Variants in SIRPD observed in about 807,000 individuals in gnomAD.
The protein encoded by SIRPD is signal-regulatory protein delta.
SIRPD carries 21 observed loss-of-function variants against 18.0 expected under a neutral mutation model. The observed-to-expected ratio is 1.17, with a 90% CI of 0.83 to 1.68. The LOEUF (loss-of-function observed/expected upper bound fraction) is 1.68, where lower values mean the gene tolerates loss of function less well. Among genes scored for constraint, SIRPD ranks in the 40% most tolerant of loss-of-function variants. The pLI, the probability that SIRPD is intolerant of heterozygous loss-of-function variation, is 0.00. For synonymous variants in SIRPD, 106 were observed against 92.9 expected (o/e 1.14, Z -0.81); for missense variants, 295 against 238.4 (o/e 1.24, Z -1.56).
intron 2 of SIRPD, among the ~76,000 whole-genome samples, chr20:1,540,626 G>A (rs1371281463): frequency 6.6e-6 from 1 of 152,018 alleles, no homozygotes; most frequent in Non-Finnish European, 1.5e-5. Context: ...CATATACATG[G>A]AATTATTTAA....
chr20:1,548,958 A>G (rs959663281), intron 2 of SIRPD, among the ~76,000 whole-genome samples: 7 of 151,832 alleles, frequency 4.6e-5, no homozygotes, highest in Non-Finnish European at 7.4e-5. Context: ...TGCTATCCCT[A>G]TTACATGTAT....
At chr20:1,546,235 C>G (rs147397603) in intron 2 of SIRPD, among the ~76,000 whole-genome samples, 1 of 152,220 alleles carries the variant, frequency 6.6e-6, no homozygotes, top group Admixed American at 6.5e-5. Context: ...CCCTTCCCCC[C>G]GGTGCTCTGT....
intron 2 of SIRPD, among the ~76,000 whole-genome samples, chr20:1,539,809 G>A (rs539721009): frequency 2.0e-5 from 3 of 152,312 alleles, no homozygotes; most frequent in African/African-American, 7.2e-5. Flanking sequence ...GCAGATATCT[G>A]ATGTCTTCAG....
At chr20:1,540,795 C>T (rs190798184) in intron 2 of SIRPD, among the ~76,000 whole-genome samples, 3 of 152,246 alleles carry the variant, frequency 2.0e-5, no homozygotes, top group African/African-American at 7.2e-5. Flanking sequence ...CTCTTGTCCC[C>T]CACCACCCAA....
At chr20:1,542,210 GA>G in intron 2 of SIRPD, among the ~76,000 whole-genome samples, 1 of 152,094 alleles carries the variant, frequency 6.6e-6, no homozygotes, top group African/African-American at 2.4e-5. Flanking sequence ...GAATAGCATT[GA>G]TTCTATAAAT....
chr20:1,545,207 G>GT (rs58425705), intron 2 of SIRPD, among the ~76,000 whole-genome samples: 8,524 of 152,208 alleles, frequency 0.056, 276 homozygotes, highest in Non-Finnish European at 0.075. Flanking sequence ...CCTGAAGTGT[G>GT]TTTTCCAACT....
intron 1 of SIRPD, among the ~76,000 whole-genome samples, chr20:1,554,940 T>C (rs2091033702): frequency 6.6e-6 from 1 of 152,230 alleles, no homozygotes; most frequent in African/African-American, 2.4e-5. Flanking sequence ...TAATTGCTCT[T>C]GTGTATTCTT....
intron 2 of SIRPD, among the ~76,000 whole-genome samples, chr20:1,542,623 C>G (rs779361887): frequency 6.6e-6 from 1 of 152,048 alleles, no homozygotes; most frequent in Admixed American, 6.6e-5. Flanking sequence ...ATTTGAATAC[C>G]CTTTATTTCT....
intron 2 of SIRPD, among the ~76,000 whole-genome samples, chr20:1,544,518 T>C (rs1227854872): frequency 6.6e-6 from 1 of 152,112 alleles, no homozygotes; most frequent in Non-Finnish European, 1.5e-5. Flanking sequence ...TATCTTTTCA[T>C]GTGAGATGGG....
chr20:1,539,143 A>G (rs2090960243), intron 2 of SIRPD, among the ~76,000 whole-genome samples: 1 of 152,232 alleles, frequency 6.6e-6, no homozygotes, highest in African/African-American at 2.4e-5. Flanking sequence ...TTCCAAGTAC[A>G]GCAGTAACTA....
intron 2 of SIRPD, among the ~76,000 whole-genome samples, chr20:1,547,185 T>C (rs2090997341): frequency 6.6e-6 from 1 of 152,228 alleles, no homozygotes. Flanking sequence ...AATTTTTGTA[T>C]ATGGTGTGAA....
intron 3 of SIRPD, among the ~76,000 whole-genome samples, chr20:1,535,168 T>G (rs1045359793): frequency 6.6e-6 from 1 of 152,128 alleles, no homozygotes; most frequent in Admixed American, 6.5e-5. Flanking sequence ...TAGAAAAGGG[T>G]CCCCAATTTA....
intron 1 of SIRPD, among the ~76,000 whole-genome samples, chr20:1,556,086 A>T (rs1484562275): frequency 6.6e-6 from 1 of 152,242 alleles, no homozygotes; most frequent in Non-Finnish European, 1.5e-5. Context: ...CTTTAAGGCC[A>T]GAAGTTGCAA....
Position 1,534,377 on chromosome 20 carries a change from A to G in SIRPD, c.*48T>C. 1 of 1,610,050 alleles carries G rather than the reference A, an allele frequency of 6.2e-7. No individual in the cohort carries two copies. Among genetic ancestry groups the G allele is most frequent in the Non-Finnish European group, 8.5e-7 (1 of 1,178,996 alleles). On this transcript the variant is annotated 3_prime_UTR_variant, in exon 4 of 4. Coordinates refer to ENST00000381623, the MANE Select transcript of SIRPD (RefSeq NM_178460.3). Reference sequence around the variant, plus strand: ...GTAGCTGTCTCCAGGGAGTCAGAAGAGTATGGGGGCTTTTGTTATTTACTT... The same window carrying G: ...GTAGCTGTCTCCAGGGAGTCAGAAGGGTATGGGGGCTTTTGTTATTTACTT...
At position 1,534,400 on chromosome 20, in the gene SIRPD, C is replaced by T; in HGVS notation, c.*25G>A. On this transcript the variant is annotated 3_prime_UTR_variant, in exon 4 of 4. Coordinates refer to ENST00000381623, the MANE Select transcript of SIRPD (RefSeq NM_178460.3). ...AGAGTATGGGGGCTTTTGTTATTTA[C>T]TTGTACGTTCCTTCCCTGTTTGGAT... The T allele has an allele frequency of 6.2e-7, 1 of 1,612,180 alleles. No homozygotes were observed. The highest frequency in any genetic ancestry group is 8.5e-7 in the Non-Finnish European group (1 of 1,179,698).
At chr20:1,544,950 T>C (rs912964052) in intron 2 of SIRPD, among the ~76,000 whole-genome samples, 31 of 152,220 alleles carry the variant, frequency 2.0e-4, no homozygotes, top group African/African-American at 7.2e-4. Flanking sequence ...GTCCTCACTC[T>C]CTTCTGGCTT....
intron 2 of SIRPD, among the ~76,000 whole-genome samples, chr20:1,537,543 G>C (rs943326226): frequency 6.6e-6 from 1 of 152,160 alleles, no homozygotes; most frequent in Non-Finnish European, 1.5e-5. Context: ...CAGGTGTGCT[G>C]GTGACCCTTC....
intron 2 of SIRPD, among the ~76,000 whole-genome samples, chr20:1,544,600 G>A (rs1428345265): frequency 2.0e-5 from 3 of 152,082 alleles, no homozygotes; most frequent in Admixed American, 2.0e-4. Flanking sequence ...TTTAATTGGG[G>A]CATTTAGCCC....
chr20:1,554,316 T>G (rs1488464221), intron 1 of SIRPD: 1 of 152,590 alleles, frequency 6.6e-6, no homozygotes, highest in Non-Finnish European at 1.5e-5. Context: ...CATGGAATCA[T>G]CTCTTATGTT....
Sources: allele counts gnomAD v4.1 joint callset (sites outside exome capture counted in the v4.1 genomes callset), GRCh38; gene constraint gnomAD v4.1.1; transcripts MANE v1.5; gene names NCBI Gene and HGNC (gene_info 2026-07-23, HGNC 2026-07-21).